Variants in GRM3 observed in about 807,000 individuals in gnomAD.
GRM3 encodes glutamate metabotropic receptor 3, also known as metabotropic glutamate receptor 3.
In GRM3, 26 loss-of-function variants were observed where a neutral mutation model predicts 70.5. The observed-to-expected ratio is 0.37, with a 90% CI of 0.27 to 0.51. GRM3 has a LOEUF of 0.51. Ranked by LOEUF, GRM3 falls within the 20% of genes least tolerant of loss-of-function variation. The pLI is 0.93. For missense variants in GRM3, 859 were observed against 1,123.8 expected, an observed-to-expected ratio of 0.76 and a Z score of 3.37; for synonymous variants, 443 against 434.9, an observed-to-expected ratio of 1.02 and a Z score of -0.23.
chr7:86,846,718 T>G (rs1436849252), intron 4 of GRM3, among the ~76,000 whole-genome samples: 1 of 152,216 alleles, frequency 6.6e-6, no homozygotes. Flanking sequence ...TGGAACACTA[T>G]TTATTCTTGG....
At chr7:86,667,638 T>C (rs1419945127) in intron 1 of GRM3, among the ~76,000 whole-genome samples, 1 of 152,106 alleles carries the variant, frequency 6.6e-6, no homozygotes, top group African/African-American at 2.4e-5. Context: ...TAAAACTGAG[T>C]ATGCTCTAGC....
At chr7:86,833,661 C>T (rs1003335849) in intron 3 of GRM3, among the ~76,000 whole-genome samples, 3 of 152,140 alleles carry the variant, frequency 2.0e-5, no homozygotes, top group African/African-American at 4.8e-5. Context: ...TCGAAATAAC[C>T]GTTCAAGGAC....
At chr7:86,821,856 C>A (rs143882497) in intron 3 of GRM3, among the ~76,000 whole-genome samples, 2 of 152,048 alleles carry the variant, frequency 1.3e-5, no homozygotes, top group Non-Finnish European at 2.9e-5. Flanking sequence ...ATTTAAAAAT[C>A]GTTCCCTTCA....
chr7:86,732,820 G>C (rs1795765449), intron 1 of GRM3, among the ~76,000 whole-genome samples: 1 of 152,126 alleles, frequency 6.6e-6, no homozygotes, highest in South Asian at 2.1e-4. Context: ...CAGAAGAATA[G>C]AGAGGTAGCC....
Position 86,839,188 on chromosome 7 carries a change from C to A in GRM3, c.1674C>A (p.Asp558Glu), listed in dbSNP as rs2116735907. 6.2e-7 allele frequency: 1 copy of A among 1,613,642 alleles called. No individual in the cohort carries two copies. The highest frequency in any genetic ancestry group is 8.5e-7 in the Non-Finnish European group (1 of 1,179,562). Residue 558 changes from aspartate (D) to glutamate (E), a missense_variant, in exon 4 of 6, where the codon GAC (aspartate) becomes GAA (glutamate). Physicochemically the swap from Asp to Glu is conservative, Grantham distance 45. Transcript: ENST00000361669. This position sits in a 1 kb window ranked among gnomAD's most constrained non-coding sequence, Gnocchi z 4.5. ...GGTCTGGACAGTGGCCCACTGCAGA[C>A]CTAACTGGATGCTATGACCTTCCTG... is the stretch of plus-strand genomic sequence containing the variant. The part of the protein sequence containing the change: ...DCGSGQWPTA[D>E]LTGCYDLPED...
intron 1 of GRM3, among the ~76,000 whole-genome samples, chr7:86,712,753 C>T (rs1469779856): frequency 6.6e-6 from 1 of 151,938 alleles, no homozygotes; most frequent in Non-Finnish European, 1.5e-5. Context: ...GTGTGTTTGT[C>T]TTATTTTACT....
intron 3 of GRM3, among the ~76,000 whole-genome samples, chr7:86,809,813 A>G (rs2116651733): frequency 6.6e-6 from 1 of 152,174 alleles, no homozygotes; most frequent in Middle Eastern, 3.4e-3. Context: ...CAGGAGTATT[A>G]GGGCAATAAA....
chr7:86,786,347 T>C lies in GRM3; in HGVS notation c.555T>C (p.Asp185=). 2 of 1,614,110 alleles carry C rather than the reference T, an allele frequency of 1.2e-6. No individual in the cohort carries two copies. The highest frequency in any genetic ancestry group is 1.6e-4 in the Middle Eastern group (1 of 6,062). The part of the protein sequence containing the change: ...SAKLSDKSRY[D]YFARTVPPDF... The stretch of plus-strand genomic sequence containing the variant: ...AACTCAGTGATAAGTCGCGCTATGA[T>C]TACTTTGCCAGGACCGTGCCCCCCG... Residue 185 remains aspartate (D), a synonymous_variant, in exon 3 of 6, where the codon GAT becomes GAC. Coordinates refer to ENST00000361669, the MANE Select transcript of GRM3 (RefSeq NM_000840.3). This position sits in a 1 kb window ranked among gnomAD's most constrained non-coding sequence, Gnocchi z 6.0.
intron 1 of GRM3, among the ~76,000 whole-genome samples, chr7:86,675,919 C>T (rs1276818811): frequency 6.6e-6 from 1 of 151,876 alleles, no homozygotes; most frequent in Admixed American, 6.6e-5. Flanking sequence ...AACTTTAAAA[C>T]TATCTTTATT....
chr7:86,739,892 T>A (rs1227685592), intron 1 of GRM3, among the ~76,000 whole-genome samples: 2 of 152,190 alleles, frequency 1.3e-5, no homozygotes, highest in Admixed American at 6.5e-5. Flanking sequence ...CTGATCCTCA[T>A]TTTTTCCTTC....
chr7:86,823,476 G>T (rs1435805980), intron 3 of GRM3, among the ~76,000 whole-genome samples: 1 of 149,328 alleles, frequency 6.7e-6, no homozygotes, highest in Non-Finnish European at 1.5e-5. Flanking sequence ...TCAATTATTT[G>T]TGCTCTCTGC....
chr7:86,656,852 A>T (rs1021229607), intron 1 of GRM3, among the ~76,000 whole-genome samples: 3 of 152,142 alleles, frequency 2.0e-5, no homozygotes, highest in African/African-American at 4.8e-5. Context: ...TCTACAAAAT[A>T]ATATAAGATG....
intron 1 of GRM3, among the ~76,000 whole-genome samples, chr7:86,712,791 T>G (rs1795228282): frequency 6.6e-6 from 1 of 152,086 alleles, no homozygotes; most frequent in South Asian, 2.1e-4. Flanking sequence ...GTTCTATCCA[T>G]GTTGCTGCAA....
intron 3 of GRM3, among the ~76,000 whole-genome samples, chr7:86,793,515 A>G (rs1797475289): frequency 6.6e-6 from 1 of 152,206 alleles, no homozygotes; most frequent in African/African-American, 2.4e-5. Context: ...CTGCTGATCA[A>G]AAGCATTTCC....
intron 1 of GRM3, among the ~76,000 whole-genome samples, chr7:86,746,871 T>C (rs73194518): frequency 6.6e-6 from 1 of 152,218 alleles, no homozygotes; most frequent in Non-Finnish European, 1.5e-5. Context: ...AAGGGCCTCA[T>C]ACTGGCTTCA....
chr7:86,750,174 C>T (rs537890731), intron 1 of GRM3, among the ~76,000 whole-genome samples: 2 of 152,140 alleles, frequency 1.3e-5, no homozygotes. Context: ...TTATTGCACA[C>T]CTAATATATG....
chr7:86,795,427 A>G (rs2214859), intron 3 of GRM3, among the ~76,000 whole-genome samples: 8,104 of 151,892 alleles, frequency 0.053, 688 homozygotes, highest in African/African-American at 0.18. Flanking sequence ...AGCCCCACAT[A>G]CATTAGCTAT....
intron 1 of GRM3, among the ~76,000 whole-genome samples, chr7:86,750,637 T>C (rs893503400): frequency 1.3e-5 from 2 of 151,810 alleles, no homozygotes; most frequent in African/African-American, 4.8e-5. Flanking sequence ...ATCGTTCAAG[T>C]GACCACAGGT....
At chr7:86,705,023 A>G (rs1795026413) in intron 1 of GRM3, among the ~76,000 whole-genome samples, 1 of 151,942 alleles carries the variant, frequency 6.6e-6, no homozygotes, top group Non-Finnish European at 1.5e-5. Flanking sequence ...TCTAATTCAC[A>G]TATAGCTCTT....
Sources: gnomAD v4.1 joint callset for allele counts (sites outside exome capture counted in the v4.1 genomes callset) on GRCh38, gnomAD v4.1.1 for gene constraint, Gnocchi (gnomAD v3.1) non-coding constraint, MANE v1.5 for transcripts, NCBI Gene and HGNC (gene_info 2026-07-23, HGNC 2026-07-21) for gene names.